RASGRF2: variants seen among roughly 807,000 people sequenced by gnomAD.
The protein encoded by RASGRF2 is Ras protein specific guanine nucleotide releasing factor 2, also known as ras-specific guanine nucleotide-releasing factor 2.
In RASGRF2, 76 loss-of-function variants were observed where a neutral mutation model predicts 151.0. The observed-to-expected ratio is 0.50, with a 90% confidence interval of 0.42 to 0.61. The LOEUF (loss-of-function observed/expected upper bound fraction) is 0.61, where lower values mean the gene tolerates loss of function less well. Ranked by LOEUF, RASGRF2 falls within the 20% of genes least tolerant of loss-of-function variation. The pLI is 0.00. For missense variants in RASGRF2, 1,148 were observed against 1,564.6 expected (o/e 0.73, Z 4.49); for synonymous variants, 504 against 566.5 (o/e 0.89, Z 1.57).
At chr5:81,020,851 G>C (rs1234721260) in intron 1 of RASGRF2, among the ~76,000 whole-genome samples, 1 of 152,240 alleles carries the variant, frequency 6.6e-6, no homozygotes, top group African/African-American at 2.4e-5. Flanking sequence ...CCAGGCACTG[G>C]ATGTCAGCTG....
intron 12 of RASGRF2, among the ~76,000 whole-genome samples, chr5:81,107,377 A>T (rs539106345): frequency 3.9e-5 from 6 of 152,092 alleles, no homozygotes; most frequent in Non-Finnish European, 7.4e-5. Flanking sequence ...TAATAATAAT[A>T]ACAAGATATT....
intron 17 of RASGRF2, among the ~76,000 whole-genome samples, chr5:81,139,376 C>T (rs568114246): frequency 5.7e-4 from 82 of 142,670 alleles, no homozygotes; most frequent in African/African-American, 1.8e-3. Context: ...CCAATCTATA[C>T]GCCTTTCATT....
At chr5:81,176,245 T>G (rs1263660209) in intron 17 of RASGRF2, among the ~76,000 whole-genome samples, 1 of 152,184 alleles carries the variant, frequency 6.6e-6, no homozygotes, top group Non-Finnish European at 1.5e-5. Context: ...TATTTTAATT[T>G]AAATATGGAC....
At chr5:81,132,551 T>A (rs1318868045) in intron 17 of RASGRF2, among the ~76,000 whole-genome samples, 1 of 152,192 alleles carries the variant, frequency 6.6e-6, no homozygotes, top group Non-Finnish European at 1.5e-5. Context: ...TAAGCCTCAT[T>A]GTCTTGTTAT....
At chr5:81,144,892 G>A (rs1753968279) in intron 17 of RASGRF2, among the ~76,000 whole-genome samples, 1 of 152,036 alleles carries the variant, frequency 6.6e-6, no homozygotes, top group Admixed American at 6.6e-5. Context: ...TACTCTGCTT[G>A]AATTTCATCA....
At chr5:81,208,705 T>C (rs1333266279) in intron 22 of RASGRF2, among the ~76,000 whole-genome samples, 3 of 151,778 alleles carry the variant, frequency 2.0e-5, no homozygotes, top group Non-Finnish European at 4.4e-5. Flanking sequence ...GTGCATGCCA[T>C]CATGCCTGGC....
At chr5:81,198,499 G>A (rs1453270756) in intron 18 of RASGRF2, among the ~76,000 whole-genome samples, 1 of 152,010 alleles carries the variant, frequency 6.6e-6, no homozygotes, top group African/African-American at 2.4e-5. Flanking sequence ...GAGTGCAGTG[G>A]CGCGATCTTG....
At chr5:80,991,931 G>A (rs1002377661) in intron 1 of RASGRF2, among the ~76,000 whole-genome samples, 5 of 152,172 alleles carry the variant, frequency 3.3e-5, no homozygotes, top group African/African-American at 1.2e-4. Context: ...AATTTAAAAT[G>A]TAGGGAGACT....
intron 1 of RASGRF2, among the ~76,000 whole-genome samples, chr5:80,970,626 C>T (rs1185872823): frequency 6.6e-6 from 1 of 152,124 alleles, no homozygotes. Flanking sequence ...CTTCAGTTTT[C>T]ACTGCAGCAT....
intron 18 of RASGRF2, among the ~76,000 whole-genome samples, chr5:81,190,553 G>A (rs1755134248): frequency 6.6e-6 from 1 of 152,162 alleles, no homozygotes; most frequent in African/African-American, 2.4e-5. Flanking sequence ...AATATGAAAT[G>A]TAAGAAACTA....
At chr5:81,044,601 T>C (rs1750779439) in intron 2 of RASGRF2, among the ~76,000 whole-genome samples, 1 of 152,202 alleles carries the variant, frequency 6.6e-6, no homozygotes, top group Non-Finnish European at 1.5e-5. Context: ...GTGTTTTATG[T>C]ACTTATCTTT....
chr5:81,153,435 A>G (rs1337465405), intron 17 of RASGRF2, among the ~76,000 whole-genome samples: 1 of 152,062 alleles, frequency 6.6e-6, no homozygotes, highest in Non-Finnish European at 1.5e-5. Context: ...GCTTTGGAGG[A>G]TGCCATGAGC....
At chr5:81,103,273 T>G (rs6875560) in intron 12 of RASGRF2, among the ~76,000 whole-genome samples, 8,935 of 152,034 alleles carry the variant, frequency 0.059, 821 homozygotes, top group African/African-American at 0.2. Context: ...TGTGGTTCTA[T>G]ACCTATATAT....
chr5:81,195,235 G>T (rs971139177), intron 18 of RASGRF2, among the ~76,000 whole-genome samples: 3 of 151,646 alleles, frequency 2.0e-5, no homozygotes, highest in African/African-American at 7.3e-5. Context: ...GCGCCATCTT[G>T]TGGGCGCCTC....
At chr5:81,163,092 A>G (rs1364708459) in intron 17 of RASGRF2, among the ~76,000 whole-genome samples, 2 of 152,106 alleles carry the variant, frequency 1.3e-5, no homozygotes, top group East Asian at 3.9e-4. Context: ...CGCTGCCCCT[A>G]TGGGAGGCTG....
chr5:81,117,698 G>A (rs1197883838), intron 15 of RASGRF2, among the ~76,000 whole-genome samples: 2 of 152,062 alleles, frequency 1.3e-5, no homozygotes, highest in Admixed American at 6.6e-5. Flanking sequence ...TGATAAGTCC[G>A]AAGTCCAGAG....
chr5:81,071,112 G>A (rs573113795), intron 4 of RASGRF2, among the ~76,000 whole-genome samples: 5 of 152,030 alleles, frequency 3.3e-5, no homozygotes, highest in East Asian at 1.9e-4. Flanking sequence ...GCTGGCTCTC[G>A]CTCTCACTCT....
At chr5:81,217,126 C>T (rs1471518773) in intron 24 of RASGRF2, 1 of 543,464 alleles carries the variant, frequency 1.8e-6, no homozygotes, top group Non-Finnish European at 3.1e-6. Context: ...TTTGAATATG[C>T]CATTTTTTTT....
intron 17 of RASGRF2, among the ~76,000 whole-genome samples, chr5:81,148,848 GAA>G (rs1754065763): frequency 8.5e-6 from 1 of 117,024 alleles, no homozygotes; most frequent in Non-Finnish European, 2.2e-5. Flanking sequence ...AATAAAATAA[GAA>G]GAAGATATAC....
Sources: allele counts gnomAD v4.1 joint callset (sites outside exome capture counted in the v4.1 genomes callset), GRCh38; gene constraint gnomAD v4.1.1; transcripts MANE v1.5; gene names NCBI Gene and HGNC (gene_info 2026-07-23, HGNC 2026-07-21).